ACBD5: variants seen among roughly 807,000 people sequenced by gnomAD.
ACBD5 encodes acyl-CoA-binding domain-containing protein 5.
ACBD5 carries 40 observed loss-of-function variants against 71.8 expected under a neutral mutation model. The ratio of observed to expected loss-of-function variants is 0.56; its 90% confidence interval spans 0.43 to 0.72. The LOEUF (loss-of-function observed/expected upper bound fraction) is 0.72, where lower values mean the gene tolerates loss of function less well. ACBD5 is among the 30% of genes least tolerant of loss of function. The pLI is 0.00. For missense variants in ACBD5, 559 were observed against 644.5 expected (o/e 0.87, Z 1.44); for synonymous variants, 229 against 218.6 (o/e 1.05, Z -0.42).
chr10:27,210,741 G>C, intron 9 of ACBD5, 73 bp downstream of exon 9: 3 of 1,601,320 alleles, frequency 1.9e-6, no homozygotes, highest in Middle Eastern at 1.7e-4. Flanking sequence ...CTGGGCGACA[G>C]AGCGCGAGAC....
chr10:27,220,479 G>C (rs1407197362), intron 5 of ACBD5: 1 of 152,562 alleles, frequency 6.6e-6, no homozygotes, highest in Non-Finnish European at 1.5e-5. Flanking sequence ...TTAAGATGCA[G>C]ATTCTGAATT....
intron 6 of ACBD5, 99 bp from the exon 7 acceptor site, chr10:27,218,282 C>T (rs890450144): frequency 5.7e-5 from 57 of 991,650 alleles, no homozygotes; most frequent in Non-Finnish European, 8.4e-5. Context: ...TAACCTACCA[C>T]AATCCCTTTG....
chr10:27,193,054 T>C (rs557586100), downstream of ACBD5, among the ~76,000 whole-genome samples: 1 of 152,026 alleles, frequency 6.6e-6, no homozygotes, highest in South Asian at 2.1e-4. Context: ...TTTTTATGTT[T>C]TTCTTTCTTT....
chr10:27,240,463 T>C lies in ACBD5; in HGVS notation c.37A>G (p.Ser13Gly). 1 of 1,612,802 alleles carries C rather than the reference T, an allele frequency of 6.2e-7. No homozygotes were observed. Among genetic ancestry groups the C allele is most frequent in the East Asian group, 2.2e-5 (1 of 44,844 alleles). Residue 13 changes from serine (S) to glycine (G), a missense_variant, in exon 2 of 13, where the codon AGC (serine) becomes GGC (glycine). Ser to Gly is a moderately conservative substitution (Grantham distance 56). Transcript: ENST00000396271. This position sits in a 1 kb window ranked among gnomAD's most constrained non-coding sequence, Gnocchi z 4.1. ...GGAATCAGGCAGCAGCAGCACCAGCTTTCCCAAGAGCCTGCATGAAACTGG... is the reference window on the plus strand; with the variant it reads ...GGAATCAGGCAGCAGCAGCACCAGCCTTCCCAAGAGCCTGCATGAAACTGG... ...FLSFHAGSWESWCCCCLIPAD... is the reference protein window; with the variant it reads ...FLSFHAGSWEGWCCCCLIPAD...
chr10:27,227,009 ATTTTTTTTT>A (rs56406048), intron 4 of ACBD5, among the ~76,000 whole-genome samples: 18 of 78,392 alleles, frequency 2.3e-4, no homozygotes, highest in African/African-American at 4.3e-4. Context: ...TTTTTTTGCG[ATTTTTTTTT>A]TTTTTTTTTT....
downstream of ACBD5, among the ~76,000 whole-genome samples, chr10:27,192,247 C>CT (rs11333652): frequency 0.017 from 2,624 of 150,460 alleles, 65 homozygotes; most frequent in African/African-American, 0.06. Flanking sequence ...TTCCTTGACA[C>CT]TTTTTTTTTA....
intron 12 of ACBD5, among the ~76,000 whole-genome samples, chr10:27,198,174 T>TGCCAGGCCCTGG (rs1430431517): frequency 6.6e-6 from 1 of 152,214 alleles, no homozygotes; most frequent in Non-Finnish European, 1.5e-5. Flanking sequence ...CCAGGCTCTG[T>TGCCAGGCCCTGG]GCCAGGCCCT....
Position 27,232,683 on chromosome 10 carries a change from G to A in ACBD5, c.303-863C>T, listed in dbSNP as rs772964918. 9.6e-4 allele frequency among the ~76,000 whole-genome samples: 146 copies of A among 152,156 alleles called. 2 individuals carry two copies. The highest frequency in any genetic ancestry group is 1.9e-4 in the East Asian group (1 of 5,178). On this transcript the variant is annotated intron_variant, in intron 3 of 12. Transcript: ENST00000396271. Reference sequence around the variant, plus strand: ...TAACAGGTTCTATTAATTTAAATAAGAGCCTAACTTGTACATTTGAACTAA... The same window carrying A: ...TAACAGGTTCTATTAATTTAAATAAAAGCCTAACTTGTACATTTGAACTAA...
chr10:27,194,937 A>G (rs2059260824), downstream of ACBD5, among the ~76,000 whole-genome samples: 1 of 152,164 alleles, frequency 6.6e-6, no homozygotes, highest in Admixed American at 6.5e-5. Context: ...CGGAGGTTGC[A>G]GTGAGCCGAG....
chr10:27,188,028 C>T (rs978298086), intron 13 of ACBD5, among the ~76,000 whole-genome samples: 9 of 152,154 alleles, frequency 5.9e-5, no homozygotes, highest in Non-Finnish European at 1.0e-4. Flanking sequence ...GTTCCTTTTG[C>T]ACATCGGGTT....
Position 27,240,529 on chromosome 10 carries a change from G to A in ACBD5, c.16-45C>T, listed in dbSNP as rs778803316. Reference sequence around the variant, plus strand: ...CGCGGATCAACATGCCCCAAAAGGAGGAGGCCCGGGAGCGAAGCGGGTCAG... The same window carrying A: ...CGCGGATCAACATGCCCCAAAAGGAAGAGGCCCGGGAGCGAAGCGGGTCAG... On this transcript the variant is annotated intron_variant, in intron 1 of 12. Transcript: ENST00000396271. This position sits in a 1 kb window ranked among gnomAD's most constrained non-coding sequence, Gnocchi z 4.1. The A allele has an allele frequency of 6.4e-7, 1 of 1,559,126 alleles. No individual in the cohort carries two copies. The highest frequency in any genetic ancestry group is 8.7e-7 in the Non-Finnish European group (1 of 1,150,330).
chr10:27,215,706 C>T, intron 7 of ACBD5, 65 bp from the exon 8 acceptor site: 2 of 1,229,362 alleles, frequency 1.6e-6, no homozygotes, highest in Non-Finnish European at 2.3e-6. Flanking sequence ...AAATTTATTC[C>T]TTTGTTTTTT....
At chr10:27,228,279 A>AAAAT (rs1483167583) in intron 4 of ACBD5, among the ~76,000 whole-genome samples, 2 of 151,320 alleles carry the variant, frequency 1.3e-5, no homozygotes, top group Non-Finnish European at 2.9e-5. Context: ...TACAAAAAAA[A>AAAAT]AAAAATAGAA....
At chr10:27,184,101 G>A (rs1164707814) in intron 13 of ACBD5, among the ~76,000 whole-genome samples, 1 of 152,200 alleles carries the variant, frequency 6.6e-6, no homozygotes, top group Non-Finnish European at 1.5e-5. Flanking sequence ...ATACCCTAGG[G>A]ATGATCTAGA....
At chr10:27,202,243 T>C (rs1255999679) in intron 12 of ACBD5, among the ~76,000 whole-genome samples, 1 of 152,192 alleles carries the variant, frequency 6.6e-6, no homozygotes, top group Non-Finnish European at 1.5e-5. Flanking sequence ...ATATCAAATA[T>C]GGCCCTACTT....
intron 10 of ACBD5, among the ~76,000 whole-genome samples, chr10:27,206,936 T>C (rs1365255025): frequency 4.6e-5 from 7 of 152,024 alleles, no homozygotes; most frequent in African/African-American, 1.7e-4. Context: ...TTTAGGGTGT[T>C]CATGGACTCC....
At chr10:27,232,762 T>A (rs1237528221) in intron 3 of ACBD5, among the ~76,000 whole-genome samples, 1 of 152,160 alleles carries the variant, frequency 6.6e-6, no homozygotes, top group Non-Finnish European at 1.5e-5. Context: ...AGACAGGAAA[T>A]TTTTAAACCC....
intron 7 of ACBD5, among the ~76,000 whole-genome samples, chr10:27,216,464 C>T (rs368403821): frequency 4.6e-5 from 7 of 151,878 alleles, no homozygotes; most frequent in African/African-American, 1.2e-4. Flanking sequence ...TTAGTAGAGA[C>T]GGAGTTTCAC....
chr10:27,240,402 T>G lies in ACBD5; in HGVS notation c.98A>C (p.Gln33Pro). 1 of 1,614,052 alleles carries G rather than the reference T, an allele frequency of 6.2e-7. No homozygotes were observed. Among genetic ancestry groups the G allele is most frequent in the Non-Finnish European group, 8.5e-7 (1 of 1,179,990 alleles). The stretch of plus-strand genomic sequence containing the variant: ...GGATCTCGTGTCCGCCATCTCCAGC[T>G]GCCAGTGTTGGCCCCGGTCCCAAGG... ...DRPWDRGQHW[Q>P]LEMADTRSVH... Residue 33 changes from glutamine (Q) to proline (P), a missense_variant, in exon 2 of 13, where the codon CAG becomes CCG. By Grantham distance (76) the Gln-to-Pro change is moderately conservative. Transcript: ENST00000396271. The surrounding 1 kb of genome is among the most constrained non-coding windows in gnomAD (Gnocchi z 4.1).
Sources: gnomAD v4.1 joint callset for allele counts (sites outside exome capture counted in the v4.1 genomes callset) on GRCh38, gnomAD v4.1.1 for gene constraint, Gnocchi (gnomAD v3.1) non-coding constraint, MANE v1.5 for transcripts, NCBI Gene and HGNC (gene_info 2026-07-23, HGNC 2026-07-21) for gene names.